MAK: variants seen among roughly 807,000 people sequenced by gnomAD.
MAK encodes male germ cell associated kinase, also known as serine/threonine-protein kinase MAK.
MAK carries 65 observed loss-of-function variants against 82.6 expected under a neutral mutation model. The ratio of observed to expected loss-of-function variants is 0.79; its 90% confidence interval spans 0.64 to 0.97. MAK has a LOEUF of 0.97. MAK is among the 50% of genes least tolerant of loss of function. MAK has a pLI of 0.00. For synonymous variants in MAK, 250 were observed against 274.2 expected, an observed-to-expected ratio of 0.91 and a Z score of 0.87; for missense variants, 703 against 780.2, an observed-to-expected ratio of 0.90 and a Z score of 1.18.
intron 4 of MAK, among the ~76,000 whole-genome samples, chr6:10,816,862 T>G (rs1403727533): frequency 6.6e-6 from 1 of 152,122 alleles, no homozygotes; most frequent in Admixed American, 6.6e-5. Flanking sequence ...AAAAAATACT[T>G]GTAAGTAAAT....
Position 10,813,969 on chromosome 6 carries a change from ATT to A in MAK, c.279-248_279-247del, listed in dbSNP as rs56102933. On this transcript the variant is annotated intron_variant, in intron 4 of 14. Coordinates refer to ENST00000354489, the MANE Select transcript of MAK (RefSeq NM_001242957.3). ...ATATTGCACACATATTAAATAGCTA[ATT>A]TTTTTTTTTCTTTTGAGACAGAGTT... 8.6e-5 allele frequency among the ~76,000 whole-genome samples: 13 copies of A among 150,488 alleles called. No homozygotes were observed. The East Asian group carries it at 1.8e-3, about 21-fold the overall frequency.
chr6:10,780,204 T>G (rs1773834323), intron 11 of MAK: 2 of 934,882 alleles, frequency 2.1e-6, no homozygotes, highest in East Asian at 1.2e-4. Flanking sequence ...GAGTTTACTT[T>G]TTAAATCTCA....
rs1397999829 is a variant in MAK at position 10,830,573 on chromosome 6, A to T, written c.76T>A (p.Ser26Thr). 1 of 1,613,940 alleles carries T rather than the reference A, an allele frequency of 6.2e-7. No individual in the cohort carries two copies. Among genetic ancestry groups the T allele is most frequent in the Non-Finnish European group, 8.5e-7 (1 of 1,179,972 alleles). The change falls in exon 2 of 15, where the codon TCC becomes ACC. Residue 26 changes from serine to threonine, a missense_variant. By Grantham distance (58) the Ser-to-Thr change is moderately conservative. Coordinates refer to ENST00000354489, the MANE Select transcript of MAK (RefSeq NM_001242957.3). ...CTTTTGATGGCCACCAGCTCCCCGG[A>T]TTCATTACTCTTGCCCATAAGCACA... ...GSVLMGKSNE[S>T]GELVAIKRMK...
At chr6:10,813,121 TATATATATATATAAA>T (rs1334436741) in intron 5 of MAK, among the ~76,000 whole-genome samples, 509 of 1,570 alleles carry the variant, frequency 0.32, 145 homozygotes, top group Non-Finnish European at 0.41. Flanking sequence ...TATATATATA[TATATATATATATAAA>T]TTTTTTTTTT....
At chr6:10,801,301 T>C (rs759788935) in intron 8 of MAK, among the ~76,000 whole-genome samples, 1 of 152,256 alleles carries the variant, frequency 6.6e-6, no homozygotes, top group African/African-American at 2.4e-5. Context: ...AAGTTTATTA[T>C]TGCCTTTTTA....
Position 10,784,388 on chromosome 6 carries a change from C to T in MAK, c.1465+36G>A, listed in dbSNP as rs989321012. ...CACTTGAACCTGACCTATCTATACT[C>T]TAGTTAGCAGCAAACATTTTCTTTG... On this transcript the variant is annotated intron_variant, in intron 11 of 14. Transcript: ENST00000354489. The T allele has an allele frequency of 2.5e-6, 4 of 1,611,464 alleles. No homozygotes were observed. In the Admixed American group the frequency reaches 6.7e-5, roughly 27 times the overall value.
chr6:10,793,302 A>G lies in MAK; in HGVS notation c.1144-1455T>C, dbSNP rs145477735. 2.7e-4 allele frequency among the ~76,000 whole-genome samples: 41 copies of G among 152,320 alleles called. No individual in the cohort carries two copies. Among genetic ancestry groups the G allele is most frequent in the African/African-American group, 9.4e-4 (39 of 41,568 alleles). On this transcript the variant is annotated intron_variant, in intron 9 of 14. Coordinates refer to ENST00000354489, the MANE Select transcript of MAK (RefSeq NM_001242957.3). This position sits in a 1 kb window ranked among gnomAD's most constrained non-coding sequence, Gnocchi z 4.6. ...GATCAGCACATAGTTGAAGAACTTGACCAACAGTACTGACAAATGGATCAA... is the reference window on the plus strand; with the variant it reads ...GATCAGCACATAGTTGAAGAACTTGGCCAACAGTACTGACAAATGGATCAA...
chr6:10,830,643 G>A lies in MAK; in HGVS notation c.6C>T (p.Asn2=). 6.2e-7 allele frequency: 1 copy of A among 1,612,424 alleles called. No homozygotes were observed. The highest frequency in any genetic ancestry group is 8.5e-7 in the Non-Finnish European group (1 of 1,178,450). M[N]RYTTMRQLGD... ...CCAACTGTCTCATGGTTGTGTATCG[G>A]TTCATCTTGGAAAAATAATGCAGCA... Residue 2 remains asparagine, a synonymous_variant, in exon 2 of 15, where the codon AAC becomes AAT. Coordinates refer to ENST00000354489, the MANE Select transcript of MAK (RefSeq NM_001242957.3).
At chr6:10,837,447 G>T (rs931113311) in intron 1 of MAK, among the ~76,000 whole-genome samples, 1 of 152,242 alleles carries the variant, frequency 6.6e-6, no homozygotes, top group African/African-American at 2.4e-5. Flanking sequence ...GAAGCAGGCG[G>T]TGGCGCGGTT....
In MAK at chr6:10,801,833, A is replaced by T. The variant is rs544072185; in HGVS notation, c.831+59T>A. On this transcript the variant is annotated intron_variant, in intron 8 of 14. Coordinates refer to ENST00000354489, the MANE Select transcript of MAK (RefSeq NM_001242957.3). ...TAGACCTGCCTTTGTAAATGAAAAC[A>T]TCCCTGATATTACAAAACCTAAACA... The T allele has an allele frequency of 2.1e-4, 318 of 1,525,710 alleles. 1 individual carries two copies. The highest frequency in any genetic ancestry group is 2.0e-4 in the Non-Finnish European group (223 of 1,099,590). 94.5% of individuals were successfully genotyped at this position (1,525,710 alleles called of 1,614,324 possible).
chr6:10,833,606 A>AAATAATAAT lies in MAK; in HGVS notation c.-229-2738_-229-2730dup, dbSNP rs36209814. 4.2e-3 allele frequency among the ~76,000 whole-genome samples: 623 copies of AAATAATAAT among 147,790 alleles called. 1 individual carries two copies. The highest frequency in any genetic ancestry group is 7.1e-3 in the Middle Eastern group (2 of 282). ...GGCAACAGTGCGAGACTCTGTCTCA[A>AAATAATAAT]AATAATAATAATAATAATAATAATA... On this transcript the variant is annotated intron_variant, in intron 1 of 14. Transcript: ENST00000354489.
At chr6:10,809,092 G>T in intron 5 of MAK, 150 bp from the exon 6 acceptor site, 1 of 760,642 alleles carries the variant, frequency 1.3e-6, no homozygotes, top group Non-Finnish European at 2.1e-6. Flanking sequence ...TATTGTCTAA[G>T]AAGTAAATGG....
intron 6 of MAK, among the ~76,000 whole-genome samples, chr6:10,807,000 A>G (rs1776519335): frequency 1.3e-5 from 2 of 152,064 alleles, no homozygotes; most frequent in African/African-American, 4.8e-5. Context: ...CCCACATCTG[A>G]TTCATTAGAA....
intron 11 of MAK, chr6:10,779,544 C>G (rs889202884): frequency 1.1e-6 from 1 of 938,382 alleles, no homozygotes; most frequent in Non-Finnish European, 1.3e-6. Context: ...TCCTAAAAGT[C>G]GATGCTTAAT....
intron 9 of MAK, among the ~76,000 whole-genome samples, chr6:10,794,722 G>A (rs1175029555): frequency 1.3e-5 from 2 of 152,224 alleles, no homozygotes; most frequent in Admixed American, 6.5e-5. Context: ...GCCAGGTGCG[G>A]TGGCTCAGGC....
chr6:10,766,984 G>A (rs75855765), intron 14 of MAK, among the ~76,000 whole-genome samples: 1,937 of 152,262 alleles, frequency 0.013, 16 homozygotes, highest in Non-Finnish European at 0.02. Flanking sequence ...AGAATTTCAG[G>A]ACTCAAGTAC....
chr6:10,830,785 A>C lies in MAK; in HGVS notation c.-137T>G. The C allele has an allele frequency of 1.4e-6, 1 of 720,402 alleles. No homozygotes were observed. The highest frequency in any genetic ancestry group is 2.5e-6 in the Non-Finnish European group (1 of 397,196). 44.6% of individuals were successfully genotyped at this position (720,402 alleles called of 1,614,324 possible). A position where few individuals can be genotyped will look rare whatever the true frequency, so the allele number is the denominator to read the frequency against. ...CACTGGTGACAGGTTTGTCATCATT[A>C]AATATAGTCTCTCCCCCAAGATTAC... On this transcript the variant is annotated 5_prime_UTR_variant, in exon 2 of 15. Transcript: ENST00000354489.
intron 6 of MAK, among the ~76,000 whole-genome samples, chr6:10,805,912 C>T (rs550141887): frequency 6.6e-6 from 1 of 152,296 alleles, no homozygotes; most frequent in East Asian, 1.9e-4. Context: ...TGGATTAAGA[C>T]CAGCCAGGCT....
intron 5 of MAK, among the ~76,000 whole-genome samples, chr6:10,812,312 T>C (rs1186990122): frequency 6.6e-6 from 1 of 152,198 alleles, no homozygotes; most frequent in Non-Finnish European, 1.5e-5. Context: ...GGGACAAACT[T>C]TTCTAATTTA....
Sources: allele counts gnomAD v4.1 joint callset (sites outside exome capture counted in the v4.1 genomes callset), GRCh38; gene constraint gnomAD v4.1.1; non-coding constraint Gnocchi (gnomAD v3.1); transcripts MANE v1.5; gene names NCBI Gene and HGNC (gene_info 2026-07-23, HGNC 2026-07-21).